Variants in NOTCH2 observed in about 807,000 individuals in gnomAD.
NOTCH2 encodes notch receptor 2.
In NOTCH2, 29 loss-of-function variants were observed where a neutral mutation model predicts 235.8. The ratio of observed to expected loss-of-function variants is 0.12; its 90% CI spans 0.09 to 0.17. The LOEUF is 0.17. Among genes scored for constraint, NOTCH2 ranks in the 10% least tolerant of loss-of-function variants. The pLI is 1.00. For missense variants in NOTCH2, 2,285 were observed against 3,150.2 expected (o/e 0.73, Z 6.57); for synonymous variants, 1,086 against 1,141.5 (o/e 0.95, Z 0.98).
intron 5 of NOTCH2, among the ~76,000 whole-genome samples, chr1:119,979,003 CTA>C (rs1651707035): frequency 2.6e-5 from 4 of 152,110 alleles, no homozygotes; most frequent in Non-Finnish European, 5.9e-5. Context: ...CTTACAGGAG[CTA>C]ATACATTTTA....
At chr1:119,961,773 T>C (rs1283947837) in intron 11 of NOTCH2, among the ~76,000 whole-genome samples, 2 of 152,200 alleles carry the variant, frequency 1.3e-5, no homozygotes, top group Non-Finnish European at 2.9e-5. Context: ...TATCTCACTT[T>C]AAGTACCCAG....
chr1:119,946,722 T>C (rs1557816272), intron 17 of NOTCH2, among the ~76,000 whole-genome samples: 1 of 152,056 alleles, frequency 6.6e-6, no homozygotes, highest in African/African-American at 2.4e-5. Context: ...TCTCACTTAA[T>C]GGTAAAAGAC....
chr1:119,985,662 G>A (rs1338671384), intron 5 of NOTCH2, among the ~76,000 whole-genome samples: 2 of 152,068 alleles, frequency 1.3e-5, no homozygotes, highest in East Asian at 1.9e-4. Context: ...GTCCAATACT[G>A]TAAGGATCAT....
chr1:119,999,603 CG>C (rs1288844081), intron 3 of NOTCH2, among the ~76,000 whole-genome samples: 1 of 151,700 alleles, frequency 6.6e-6, no homozygotes, highest in African/African-American at 2.4e-5. Context: ...ATCCCTGGGC[CG>C]GAAGTGGTGG....
Position 119,944,644 on chromosome 1 carries a change from T to C in NOTCH2, c.2753-2890A>G, listed in dbSNP as rs782564592. Among the ~76,000 whole-genome samples, 42 of 151,054 alleles carry C rather than the reference T, an allele frequency of 2.8e-4. 1 individual carries two copies. Among genetic ancestry groups the C allele is most frequent in the Admixed American group, 5.3e-4 (8 of 15,178 alleles). The stretch of plus-strand genomic sequence containing the variant: ...AAAGCAGCCACAGGAGAGAGAATTA[T>C]ATATGAAGGAACAGATAAAAGAATT... On this transcript the variant is annotated intron_variant, in intron 17 of 33. Coordinates refer to ENST00000256646, the MANE Select transcript of NOTCH2 (RefSeq NM_024408.4).
At chr1:119,989,946 C>A (rs797038771) in intron 4 of NOTCH2, among the ~76,000 whole-genome samples, 798 of 132,354 alleles carry the variant, frequency 6.0e-3, no homozygotes, top group African/African-American at 0.022. Context: ...TACCATCTGA[C>A]GCAGCAATTC....
At chr1:119,987,917 G>C (rs1553202423) in intron 4 of NOTCH2, among the ~76,000 whole-genome samples, 1 of 152,148 alleles carries the variant, frequency 6.6e-6, no homozygotes, top group African/African-American at 2.4e-5. Flanking sequence ...ACTGCCCACA[G>C]TGTGGTCCTT....
chr1:119,926,178 C>G (rs923393005), intron 24 of NOTCH2, among the ~76,000 whole-genome samples: 1 of 152,208 alleles, frequency 6.6e-6, no homozygotes, highest in Non-Finnish European at 1.5e-5. Flanking sequence ...GGCCAAGAAG[C>G]CCCACACATC....
intron 24 of NOTCH2, among the ~76,000 whole-genome samples, 177 bp downstream of exon 24, chr1:119,926,322 T>C (rs1202831796): frequency 6.6e-6 from 1 of 152,216 alleles, no homozygotes; most frequent in Admixed American, 6.5e-5. Flanking sequence ...TTTTGTTTTG[T>C]TTTGTCACTT....
intron 9 of NOTCH2, among the ~76,000 whole-genome samples, chr1:119,966,074 T>A (rs7513674): frequency 0.013 from 1,919 of 152,040 alleles, 35 homozygotes; most frequent in African/African-American, 0.045. Context: ...GGGAAAAAAA[T>A]AAAATCCCGA....
At chr1:119,929,821 A>T (rs1476233169) in intron 22 of NOTCH2, among the ~76,000 whole-genome samples, 2 of 152,230 alleles carry the variant, frequency 1.3e-5, no homozygotes, top group East Asian at 3.8e-4. Context: ...CTTCACATTC[A>T]CTTACCATTC....
In NOTCH2 at chr1:119,922,639, C is replaced by A. The variant is rs17024517; in HGVS notation, c.4999G>T (p.Val1667Phe). The A allele has an allele frequency of 1.7e-4, 275 of 1,614,032 alleles. 1 individual carries two copies. In the African/African-American group the frequency reaches 3.3e-3, roughly 20 times the overall value. ...GTLSYPLVSV[V>F]SESLTPERTQ... ...CCTTTACACCAGTGCCACTCACTGA[C>A]GACAGACACAAGAGGGTATGACAGG... The change falls in exon 27 of 34, where the codon GTC (valine) becomes TTC (phenylalanine). Residue 1667 changes from valine (V) to phenylalanine (F), a missense_variant. Transcript: ENST00000256646.
chr1:120,000,155 G>A (rs1471748368), intron 3 of NOTCH2, among the ~76,000 whole-genome samples: 1 of 151,824 alleles, frequency 6.6e-6, no homozygotes, highest in Non-Finnish European at 1.5e-5. Flanking sequence ...GCTGACTGAG[G>A]TATAGTGCTA....
At chr1:119,930,158 GT>G (rs1160349135) in intron 22 of NOTCH2, among the ~76,000 whole-genome samples, 1 of 152,154 alleles carries the variant, frequency 6.6e-6, no homozygotes, top group Non-Finnish European at 1.5e-5. Context: ...TATCCCCACT[GT>G]TAAGTGACCC....
At chr1:119,986,804 T>C (rs1652036933) in intron 5 of NOTCH2, among the ~76,000 whole-genome samples, 156 bp downstream of exon 5, 1 of 152,234 alleles carries the variant, frequency 6.6e-6, no homozygotes, top group Non-Finnish European at 1.5e-5. Context: ...ATGAGGTTAG[T>C]ACAATAAGCA....
intron 5 of NOTCH2, among the ~76,000 whole-genome samples, chr1:119,979,954 A>G (rs782529701): frequency 6.6e-6 from 1 of 152,198 alleles, no homozygotes; most frequent in African/African-American, 2.4e-5. Flanking sequence ...AAGACATAGT[A>G]TAATATAAAT....
At chr1:119,931,986 ATATATATATATATG>A (rs1484946507) in intron 22 of NOTCH2, among the ~76,000 whole-genome samples, 1 of 139,750 alleles carries the variant, frequency 7.2e-6, no homozygotes, top group African/African-American at 2.8e-5. Flanking sequence ...ATATGTGTGT[ATATATATATATATG>A]TATATATACA....
At chr1:120,037,802 G>A (rs1654373132) in intron 1 of NOTCH2, among the ~76,000 whole-genome samples, 3 of 151,812 alleles carry the variant, frequency 2.0e-5, no homozygotes, top group South Asian at 4.1e-4. Context: ...AGAGATGCTA[G>A]TATCAGATCC....
chr1:119,956,926 G>A (rs1454313781), intron 12 of NOTCH2, among the ~76,000 whole-genome samples: 1 of 152,198 alleles, frequency 6.6e-6, no homozygotes, highest in Non-Finnish European at 1.5e-5. Flanking sequence ...AAGTCCAGTG[G>A]AAGGCCAAGA....
Sources: allele counts gnomAD v4.1 joint callset (sites outside exome capture counted in the v4.1 genomes callset), GRCh38; gene constraint gnomAD v4.1.1; transcripts MANE v1.5; gene names NCBI Gene and HGNC (gene_info 2026-07-23, HGNC 2026-07-21).